Variants in ZC2HC1B observed in about 807,000 individuals in gnomAD.
The protein encoded by ZC2HC1B is zinc finger C2HC-type containing 1B, also known as zinc finger C2HC domain-containing protein 1B.
In ZC2HC1B, 36 loss-of-function variants were observed where a neutral mutation model predicts 31.0. The observed-to-expected ratio is 1.16, with a 90% CI of 0.89 to 1.54. ZC2HC1B has a LOEUF of 1.54. Among genes scored for constraint, ZC2HC1B ranks in the 40% most tolerant of loss-of-function variants. The probability of loss-of-function intolerance (pLI) is 0.00; values close to 1 mark genes in which losing one functional copy is unlikely to be tolerated. For missense variants in ZC2HC1B, 260 were observed against 268.6 expected, an observed-to-expected ratio of 0.97 and a Z score of 0.22; for synonymous variants, 73 against 88.0, an observed-to-expected ratio of 0.83 and a Z score of 0.95.
rs1778012424 is a variant in ZC2HC1B at position 143,924,368 on chromosome 6, T to A, written c.599-13281T>A. On this transcript the variant is annotated intron_variant, in intron 6 of 7. Coordinates refer to ENST00000237275, the MANE Select transcript of ZC2HC1B (RefSeq NM_001013623.3). This position sits in a 1 kb window ranked among gnomAD's most constrained non-coding sequence, Gnocchi z 5.2. ...TAGGTTTTATATATATATATATGTATTACATATATATATCCATGTATATAT... is the reference window on the plus strand; with the variant it reads ...TAGGTTTTATATATATATATATGTAATACATATATATATCCATGTATATAT... Among the ~76,000 whole-genome samples the A allele has an allele frequency of 6.6e-6, 1 of 151,164 alleles. No homozygotes were observed. The highest frequency in any genetic ancestry group is 2.1e-4 in the South Asian group (1 of 4,810).
rs1176872239 is a variant in ZC2HC1B, at chr6:143,872,766, A to G, written c.28+8199A>G. 2.6e-5 allele frequency among the ~76,000 whole-genome samples: 4 copies of G among 152,154 alleles called. No homozygotes were observed. The highest frequency in any genetic ancestry group is 2.0e-4 in the Admixed American group (3 of 15,272). On this transcript the variant is annotated intron_variant, in intron 1 of 7. Coordinates refer to ENST00000237275, the MANE Select transcript of ZC2HC1B (RefSeq NM_001013623.3). The surrounding 1 kb of genome is among the most constrained non-coding windows in gnomAD (Gnocchi z 5.5). ...AATCCATCAGATCTCATGAGACTCA[A>G]TCACTATCATAAGAATAGCATGGGA... is the stretch of plus-strand genomic sequence containing the variant.
At position 143,897,667 on chromosome 6, in the gene ZC2HC1B, T is replaced by A. The variant is rs41512744; in HGVS notation, c.350-885T>A. On this transcript the variant is annotated intron_variant, in intron 4 of 7. Coordinates refer to ENST00000237275, the MANE Select transcript of ZC2HC1B (RefSeq NM_001013623.3). The stretch of plus-strand genomic sequence containing the variant: ...TTTTATCCTATTACTATCTCCTTCC[T>A]GAATATATTGCCTGCTCACTTAGTA... Among the ~76,000 whole-genome samples the A allele has an allele frequency of 8.2e-3, 1,253 of 151,918 alleles. 18 individuals are homozygous for A. The highest frequency in any genetic ancestry group is 0.028 in the African/African-American group (1,145 of 41,412).
intron 1 of ZC2HC1B, among the ~76,000 whole-genome samples, chr6:143,867,695 A>T (rs1777281776): frequency 6.6e-6 from 1 of 152,008 alleles, no homozygotes; most frequent in African/African-American, 2.4e-5. Context: ...GTAGAACAAA[A>T]TGGGAGCCAG....
intron 6 of ZC2HC1B, among the ~76,000 whole-genome samples, chr6:143,907,855 C>A (rs1777814183): frequency 1.3e-5 from 2 of 152,120 alleles, no homozygotes; most frequent in Non-Finnish European, 2.9e-5. Flanking sequence ...TTTGCCCATG[C>A]CTATGTTCTG....
At chr6:143,897,319 C>T (rs1777679730) in intron 4 of ZC2HC1B, among the ~76,000 whole-genome samples, 1 of 149,384 alleles carries the variant, frequency 6.7e-6, no homozygotes, top group African/African-American at 2.5e-5. Flanking sequence ...GTGTGCTATC[C>T]CTTTAAGGTG....
chr6:143,866,114 C>T (rs941776627), intron 1 of ZC2HC1B, among the ~76,000 whole-genome samples: 3 of 152,340 alleles, frequency 2.0e-5, no homozygotes, highest in Middle Eastern at 6.8e-3. Context: ...CAACACCCGG[C>T]CCACCTATTT....
chr6:143,904,157 C>T (rs1305748438), intron 6 of ZC2HC1B, among the ~76,000 whole-genome samples: 1 of 152,210 alleles, frequency 6.6e-6, no homozygotes, highest in Non-Finnish European at 1.5e-5. Flanking sequence ...AATGTCTGCT[C>T]AAGTCCTTTG....
intron 5 of ZC2HC1B, among the ~76,000 whole-genome samples, chr6:143,898,927 G>T (rs1207379676): frequency 6.6e-6 from 1 of 152,158 alleles, no homozygotes; most frequent in Non-Finnish European, 1.5e-5. Flanking sequence ...AGCTTCTTTG[G>T]GTGAAGACTT....
Position 143,899,708 on chromosome 6 carries a change from T to C in ZC2HC1B, c.489+1017T>C, listed in dbSNP as rs1346002214. Among the ~76,000 whole-genome samples, 2 of 152,188 alleles carry C rather than the reference T, an allele frequency of 1.3e-5. No homozygotes were observed. The highest frequency in any genetic ancestry group is 2.9e-5 in the Non-Finnish European group (2 of 68,026). On this transcript the variant is annotated intron_variant, in intron 5 of 7. Transcript: ENST00000237275. The surrounding 1 kb of genome is among the most constrained non-coding windows in gnomAD (Gnocchi z 5.0). ...CCTGTTTAGAAAGCTTCTGGTTAAA[T>C]CCAGTATGTAATGGGGTGGGACCGT... is the stretch of plus-strand genomic sequence containing the variant.
At position 143,865,330 on chromosome 6, in the gene ZC2HC1B, A is replaced by G. The variant is rs549970152; in HGVS notation, c.28+763A>G. On this transcript the variant is annotated intron_variant, in intron 1 of 7. Coordinates refer to ENST00000237275, the MANE Select transcript of ZC2HC1B (RefSeq NM_001013623.3). The surrounding 1 kb of genome is among the most constrained non-coding windows in gnomAD (Gnocchi z 4.4). ...TAGGTGCAGCGAAATGTAACTGGCAATACTATCGTGGTAAGTACCACTTGT... is the reference window on the plus strand; with the variant it reads ...TAGGTGCAGCGAAATGTAACTGGCAGTACTATCGTGGTAAGTACCACTTGT... 5.9e-5 allele frequency among the ~76,000 whole-genome samples: 9 copies of G among 152,322 alleles called. No individual in the cohort carries two copies. The highest frequency in any genetic ancestry group is 1.4e-4 in the African/African-American group (6 of 41,572).
At chr6:143,873,700 C>T (rs530542460) in intron 1 of ZC2HC1B, among the ~76,000 whole-genome samples, 11 of 152,334 alleles carry the variant, frequency 7.2e-5, no homozygotes, top group South Asian at 4.1e-4. Context: ...AGGCATAGCC[C>T]GAGCTGTACA....
At chr6:143,867,214 A>T (rs1009017240) in intron 1 of ZC2HC1B, among the ~76,000 whole-genome samples, 1 of 152,174 alleles carries the variant, frequency 6.6e-6, no homozygotes, top group Admixed American at 6.5e-5. Flanking sequence ...TGGATAAGGG[A>T]TACTTAACCT....
At chr6:143,925,518 T>C (rs1778025603) in intron 6 of ZC2HC1B, among the ~76,000 whole-genome samples, 1 of 148,322 alleles carries the variant, frequency 6.7e-6, no homozygotes, top group African/African-American at 2.5e-5. Flanking sequence ...CTTTCTTCCT[T>C]ATTCATTCTT....
chr6:143,901,250 C>CTTTTTTTTTTTTTTTTTT (rs760366226), intron 5 of ZC2HC1B, among the ~76,000 whole-genome samples: 1 of 90,498 alleles, frequency 1.1e-5, no homozygotes, highest in Non-Finnish European at 2.1e-5. Context: ...TTCTTTCTTC[C>CTTTTTTTTTTTTTTTTTT]TTTTTTTTTT....
Position 143,872,501 on chromosome 6 carries a change from C to T in ZC2HC1B, c.28+7934C>T, listed in dbSNP as rs578065245. ...CTGAGTGCTGCCACTTGGCCCCTGC[C>T]ACCTCGGGATCCAAATATTCCCACT... is the stretch of plus-strand genomic sequence containing the variant. On this transcript the variant is annotated intron_variant, in intron 1 of 7. Coordinates refer to ENST00000237275, the MANE Select transcript of ZC2HC1B (RefSeq NM_001013623.3). The surrounding 1 kb of genome is among the most constrained non-coding windows in gnomAD (Gnocchi z 5.5). Among the ~76,000 whole-genome samples the T allele has an allele frequency of 2.0e-5, 3 of 152,268 alleles. No homozygotes were observed. Among genetic ancestry groups the T allele is most frequent in the East Asian group, 3.9e-4 (2 of 5,184 alleles).
Position 143,911,079 on chromosome 6 carries a change from C to G in ZC2HC1B, c.598+7927C>G, listed in dbSNP as rs1777850068. On this transcript the variant is annotated intron_variant, in intron 6 of 7. Transcript: ENST00000237275. This position sits in a 1 kb window ranked among gnomAD's most constrained non-coding sequence, Gnocchi z 4.5. ...TTTGTTGGTTTAAAGCCTGTTTTGT[C>G]AGAAACTAGGATTGCAACCCCTGCT... 6.6e-6 allele frequency among the ~76,000 whole-genome samples: 1 copy of G among 152,150 alleles called. No homozygotes were observed. The highest frequency in any genetic ancestry group is 2.1e-4 in the South Asian group (1 of 4,826).
In ZC2HC1B at chr6:143,886,631, A is replaced by G. The variant is rs576829546; in HGVS notation, c.211-52A>G. On this transcript the variant is annotated intron_variant, in intron 3 of 7. Transcript: ENST00000237275. The surrounding 1 kb of genome is among the most constrained non-coding windows in gnomAD (Gnocchi z 4.2). ...AAATTCCAGCTTTAAACAAAATTGT[A>G]ATGGAGAGGTATATAGTCTAGGGTA... 2 of 1,393,924 alleles carry G rather than the reference A, an allele frequency of 1.4e-6. No homozygotes were observed. Among genetic ancestry groups the G allele is most frequent in the African/African-American group, 3.0e-5 (2 of 66,456 alleles). 86.3% of individuals were successfully genotyped at this position (1,393,924 alleles called of 1,614,324 possible).
At chr6:143,873,565 C>A (rs922589691) in intron 1 of ZC2HC1B, among the ~76,000 whole-genome samples, 2 of 152,244 alleles carry the variant, frequency 1.3e-5, no homozygotes, top group Non-Finnish European at 2.9e-5. Flanking sequence ...CCTGAGAATC[C>A]AGGCGTTTCC....
rs774206856 is a variant in ZC2HC1B at position 143,870,782 on chromosome 6, C to A, written c.28+6215C>A. On this transcript the variant is annotated intron_variant, in intron 1 of 7. Transcript: ENST00000237275. This position sits in a 1 kb window ranked among gnomAD's most constrained non-coding sequence, Gnocchi z 4.7. The stretch of plus-strand genomic sequence containing the variant: ...CTCCACTGTGATTCACCTTTGGGGG[C>A]CTGCCAAAGGCTCCAAACAGCATCG... Among the ~76,000 whole-genome samples the A allele has an allele frequency of 7.2e-5, 11 of 152,158 alleles. No individual in the cohort carries two copies. The highest frequency in any genetic ancestry group is 1.5e-4 in the Non-Finnish European group (10 of 68,042).
Sources: gnomAD v4.1 joint callset for allele counts (sites outside exome capture counted in the v4.1 genomes callset) on GRCh38, gnomAD v4.1.1 for gene constraint, Gnocchi (gnomAD v3.1) non-coding constraint, MANE v1.5 for transcripts, NCBI Gene and HGNC (gene_info 2026-07-23, HGNC 2026-07-21) for gene names.